Variants in IMMP1L observed in about 807,000 individuals in gnomAD.
IMMP1L encodes the protein inner mitochondrial membrane peptidase subunit 1.
A neutral mutation model predicts 21.8 loss-of-function variants in IMMP1L; 24 were observed. The observed-to-expected ratio is 1.10, with a 90% CI of 0.80 to 1.55. The LOEUF is 1.55. Ranked by LOEUF, IMMP1L falls within the 40% of genes most tolerant of loss-of-function variation. The pLI is 0.00. For synonymous variants in IMMP1L, 46 were observed against 62.8 expected, an observed-to-expected ratio of 0.73 and a Z score of 1.26; for missense variants, 195 against 200.7, an observed-to-expected ratio of 0.97 and a Z score of 0.17.
intron 2 of IMMP1L, 149 bp downstream of exon 2, chr11:31,463,023 T>C (rs2133668933): frequency 1.6e-6 from 1 of 613,670 alleles, no homozygotes; most frequent in Middle Eastern, 4.3e-4. Context: ...CTCTTATTAT[T>C]CCAATATTTA....
intron 1 of IMMP1L, among the ~76,000 whole-genome samples, chr11:31,467,762 A>G (rs539643069): frequency 6.7e-6 from 1 of 149,544 alleles, no homozygotes; most frequent in South Asian, 2.1e-4. Flanking sequence ...AGATATTTGA[A>G]AAGTATCAAA....
chr11:31,466,501 T>C (rs2133686202), intron 1 of IMMP1L, among the ~76,000 whole-genome samples: 1 of 152,186 alleles, frequency 6.6e-6, no homozygotes, highest in Middle Eastern at 3.4e-3. Flanking sequence ...AGACACAGAA[T>C]CAACCGAAAT....
intron 2 of IMMP1L, among the ~76,000 whole-genome samples, chr11:31,461,848 G>GA (rs1954150685): frequency 6.6e-6 from 1 of 152,038 alleles, no homozygotes; most frequent in Non-Finnish European, 1.5e-5. Context: ...CTCAGAATCA[G>GA]AAAAAACTAT....
chr11:31,460,143 C>A (rs146348090), intron 3 of IMMP1L, among the ~76,000 whole-genome samples: 1 of 152,068 alleles, frequency 6.6e-6, no homozygotes, highest in East Asian at 1.9e-4. Flanking sequence ...GGAGCCAGAG[C>A]AAGACCTCAT....
chr11:31,509,412 C>T (rs902198603), intron 1 of IMMP1L, 107 bp downstream of exon 1: 1 of 220,914 alleles, frequency 4.5e-6, no homozygotes, highest in Non-Finnish European at 9.3e-6. Flanking sequence ...AAGGTGCTAG[C>T]AATTGCTTGA....
At chr11:31,444,334 A>C (rs1953442476) in intron 4 of IMMP1L, among the ~76,000 whole-genome samples, 1 of 152,150 alleles carries the variant, frequency 6.6e-6, no homozygotes, top group Admixed American at 6.5e-5. Flanking sequence ...CTGGTTTCCC[A>C]GGCAGTCTAC....
At chr11:31,455,711 G>A (rs1953916617) in intron 4 of IMMP1L, among the ~76,000 whole-genome samples, 1 of 152,062 alleles carries the variant, frequency 6.6e-6, no homozygotes, top group Admixed American at 6.6e-5. Context: ...TTATGACCTT[G>A]ACATTTTTGA....
At chr11:31,466,079 C>G (rs1415331066) in intron 1 of IMMP1L, among the ~76,000 whole-genome samples, 1 of 151,846 alleles carries the variant, frequency 6.6e-6, no homozygotes, top group Non-Finnish European at 1.5e-5. Context: ...ACAAATAACC[C>G]AATTAAAAAG....
chr11:31,447,946 G>T (rs1020378548), intron 4 of IMMP1L, among the ~76,000 whole-genome samples: 1 of 152,020 alleles, frequency 6.6e-6, no homozygotes, highest in Non-Finnish European at 1.5e-5. Flanking sequence ...TCATTTACTT[G>T]CTTATTCCAA....
At chr11:31,442,783 G>T (rs1215100866) in intron 4 of IMMP1L, among the ~76,000 whole-genome samples, 1 of 150,766 alleles carries the variant, frequency 6.6e-6, no homozygotes, top group African/African-American at 2.4e-5. Context: ...TCATTTTCCT[G>T]TAATGTACAA....
Position 31,508,107 on chromosome 11 carries a change from C to CT in IMMP1L, c.-30+1411_-30+1412insA, listed in dbSNP as rs553237138. ...TGATCTGTGCAGCAAACCACCACAG[C>CT]ACACGTTTACCTATGTAACAAACCT... On this transcript the variant is annotated intron_variant, in intron 1 of 5. Transcript: ENST00000532287. Among the ~76,000 whole-genome samples, 11 of 152,144 alleles carry CT rather than the reference C, an allele frequency of 7.2e-5. No homozygotes were observed. The South Asian group carries it at 2.3e-3, about 32-fold the overall frequency.
At chr11:31,486,736 A>AT (rs1272887294) in intron 1 of IMMP1L, among the ~76,000 whole-genome samples, 1 of 151,944 alleles carries the variant, frequency 6.6e-6, no homozygotes, top group African/African-American at 2.4e-5. Flanking sequence ...ATAATACATA[A>AT]TAACAAAAAT....
chr11:31,446,221 T>C (rs1564971702), intron 4 of IMMP1L, among the ~76,000 whole-genome samples: 2 of 152,162 alleles, frequency 1.3e-5, no homozygotes, highest in South Asian at 4.1e-4. Flanking sequence ...TTCTCTAGAT[T>C]ATTTCCTTAA....
At position 31,460,608 on chromosome 11, in the gene IMMP1L, T is replaced by C; in HGVS notation, c.194+18A>G. 2 of 1,472,822 alleles carry C rather than the reference T, an allele frequency of 1.4e-6. No individual in the cohort carries two copies. The highest frequency in any genetic ancestry group is 1.1e-5 in the South Asian group (1 of 87,544). The allele number at this position is 1,472,822 out of a possible 1,614,324, so 91.2% of individuals were successfully genotyped here. A position where few individuals can be genotyped will look rare whatever the true frequency, so the allele number is the denominator to read the frequency against. On this transcript the variant is annotated intron_variant, in intron 3 of 5. Transcript: ENST00000532287. Reference sequence around the variant, plus strand: ...GTATTTTCACTGTAAATTTAATATATCCATGACAGAAATTTACCTTTGGAT... The same window carrying C: ...GTATTTTCACTGTAAATTTAATATACCCATGACAGAAATTTACCTTTGGAT...
At chr11:31,491,011 T>A (rs544647087) in intron 1 of IMMP1L, among the ~76,000 whole-genome samples, 1 of 152,300 alleles carries the variant, frequency 6.6e-6, no homozygotes, top group South Asian at 2.1e-4. Flanking sequence ...GATGCCCCCC[T>A]AGAGTTTTCA....
rs193251149 is a variant in IMMP1L, at chr11:31,459,932, G to A, written c.194+694C>T. 3.3e-3 allele frequency among the ~76,000 whole-genome samples: 509 copies of A among 152,034 alleles called. 4 individuals are homozygous for A. The highest frequency in any genetic ancestry group is 0.012 in the African/African-American group (491 of 41,370). ...AACACTTTGGGAGGCTGAGGTGAGC[G>A]GATTGCTTGAGCTCAGGAGTTTGAG... is the stretch of plus-strand genomic sequence containing the variant. On this transcript the variant is annotated intron_variant, in intron 3 of 5. Transcript: ENST00000532287.
intron 4 of IMMP1L, chr11:31,452,755 CTT>C (rs1055507345): frequency 2.0e-6 from 2 of 1,003,098 alleles, no homozygotes; most frequent in Non-Finnish European, 2.4e-6. Flanking sequence ...CTTTTTTTTT[CTT>C]TTCTTTTCTT....
intron 1 of IMMP1L, among the ~76,000 whole-genome samples, chr11:31,471,772 A>G (rs1237105716): frequency 6.6e-6 from 1 of 152,204 alleles, no homozygotes; most frequent in Admixed American, 6.5e-5. Flanking sequence ...CTGGTTACAG[A>G]TGTACTAGTA....
intron 4 of IMMP1L, among the ~76,000 whole-genome samples, chr11:31,455,586 A>G: frequency 6.6e-6 from 1 of 152,200 alleles, no homozygotes; most frequent in Non-Finnish European, 1.5e-5. Context: ...TTATTTTGTC[A>G]GACTTCCCCC....
Sources: allele counts gnomAD v4.1 joint callset (sites outside exome capture counted in the v4.1 genomes callset), GRCh38; gene constraint gnomAD v4.1.1; transcripts MANE v1.5; gene names NCBI Gene and HGNC (gene_info 2026-07-23, HGNC 2026-07-21).